The following MTHFD1L variants were observed in gnomAD, a reference collection of about 807,000 sequenced individuals.
MTHFD1L encodes monofunctional C1-tetrahydrofolate synthase, mitochondrial.
In MTHFD1L, 81 loss-of-function variants were observed where a neutral mutation model predicts 119.5. That is an observed-to-expected ratio of 0.68 (90% CI 0.57 to 0.82). The LOEUF (loss-of-function observed/expected upper bound fraction) is 0.82, where lower values mean the gene tolerates loss of function less well. Ranked by LOEUF, MTHFD1L falls within the 40% of genes least tolerant of loss-of-function variation. The pLI, the probability that MTHFD1L is intolerant of heterozygous loss-of-function variation, is 0.00. For missense variants in MTHFD1L, 1,125 were observed against 1,253.4 expected, an observed-to-expected ratio of 0.90 and a Z score of 1.55; for synonymous variants, 430 against 475.2, an observed-to-expected ratio of 0.90 and a Z score of 1.24.
chr6:150,944,640 T>A (rs1166101971), intron 14 of MTHFD1L, 47 bp downstream of exon 14: 1 of 1,387,014 alleles, frequency 7.2e-7, no homozygotes, highest in Non-Finnish European at 1.0e-6. Flanking sequence ...TATCCTGGAA[T>A]TCCTGGATTC....
intron 26 of MTHFD1L, among the ~76,000 whole-genome samples, chr6:151,062,878 C>G (rs1030902423): frequency 6.6e-6 from 1 of 151,918 alleles, no homozygotes; most frequent in African/African-American, 2.4e-5. Flanking sequence ...CCACTTCACC[C>G]TGTTGTGGGG....
chr6:151,090,846 T>A (rs35307141), intron 26 of MTHFD1L, among the ~76,000 whole-genome samples: 1 of 124,754 alleles, frequency 8.0e-6, no homozygotes, highest in Non-Finnish European at 1.8e-5. Flanking sequence ...GCAGCATCGC[T>A]CCATGTGACT....
chr6:151,046,116 A>C (rs1787971289), intron 26 of MTHFD1L, among the ~76,000 whole-genome samples: 1 of 152,114 alleles, frequency 6.6e-6, no homozygotes, highest in South Asian at 2.1e-4. Context: ...TGTGATATGC[A>C]CTTATTTTTA....
intron 1 of MTHFD1L, among the ~76,000 whole-genome samples, chr6:150,870,372 A>G (rs1460206768): frequency 6.6e-6 from 1 of 152,174 alleles, no homozygotes; most frequent in Non-Finnish European, 1.5e-5. Flanking sequence ...TTACACATAT[A>G]ACAAGTTGTA....
At chr6:151,046,471 GTATATATATATATATA>G (rs1156377344) in intron 26 of MTHFD1L, among the ~76,000 whole-genome samples, 449 of 36,456 alleles carry the variant, frequency 0.012, 12 homozygotes, top group East Asian at 0.049. Flanking sequence ...ATGTGTGTGT[GTATATATATATATATA>G]TATATATATA....
At position 150,959,710 on chromosome 6, in the gene MTHFD1L, G is replaced by A. The variant is rs1796153189; in HGVS notation, c.1804-565G>A. On this transcript the variant is annotated intron_variant, in intron 17 of 27. Coordinates refer to ENST00000367321, the MANE Select transcript of MTHFD1L (RefSeq NM_015440.5). ...ATGCAGGAAGCCAGCATCTTTCACT[G>A]CCCCTTATCTCTGTGCCAGACAGAC... 2.6e-5 allele frequency among the ~76,000 whole-genome samples: 4 copies of A among 152,154 alleles called. No individual in the cohort carries two copies. In the South Asian group the frequency reaches 6.2e-4, roughly 24 times the overall value.
At position 150,960,325 on chromosome 6, in the gene MTHFD1L, G is replaced by C; in HGVS notation, c.1854G>C (p.Leu618=). 1 of 1,614,092 alleles carries C rather than the reference G, an allele frequency of 6.2e-7. No homozygotes were observed. Among genetic ancestry groups the C allele is most frequent in the Non-Finnish European group, 8.5e-7 (1 of 1,179,998 alleles). ...VASEIMAVLA[L]TDSLADMKAR... ...GCGAGATCATGGCGGTGCTGGCCCT[G>C]ACGGACAGCCTCGCAGACATGAAGG... Residue 618 remains leucine (L), a synonymous_variant, in exon 18 of 28, where the codon CTG becomes CTC. Transcript: ENST00000367321.
At chr6:150,993,281 A>T (rs1377581271) in intron 20 of MTHFD1L, among the ~76,000 whole-genome samples, 1 of 152,184 alleles carries the variant, frequency 6.6e-6, no homozygotes, top group Non-Finnish European at 1.5e-5. Flanking sequence ...ACACAAACAA[A>T]TGAGCAGAAT....
chr6:150,897,104 G>A (rs915025510), intron 7 of MTHFD1L, among the ~76,000 whole-genome samples: 1 of 152,052 alleles, frequency 6.6e-6, no homozygotes, highest in Non-Finnish European at 1.5e-5. Flanking sequence ...GCAATAGAGT[G>A]AGACTCCATC....
At chr6:151,087,219 A>G (rs1793891750) in intron 26 of MTHFD1L, among the ~76,000 whole-genome samples, 1 of 151,988 alleles carries the variant, frequency 6.6e-6, no homozygotes, top group Admixed American at 6.6e-5. Flanking sequence ...GCTGCAGTCC[A>G]GCCTGGGCGA....
chr6:150,875,970 G>T (rs2073068), intron 1 of MTHFD1L, 120 bp from the exon 2 acceptor site: 3 of 771,066 alleles, frequency 3.9e-6, no homozygotes, highest in Non-Finnish European at 2.2e-6. Flanking sequence ...CTTGGAGTGC[G>T]TCCTTCTGTG....
At chr6:150,893,621 T>G (rs1783719271) in intron 7 of MTHFD1L, among the ~76,000 whole-genome samples, 1 of 152,070 alleles carries the variant, frequency 6.6e-6, no homozygotes, top group Non-Finnish European at 1.5e-5. Context: ...TGGCTAGAGA[T>G]TTCCAAAGCT....
intron 8 of MTHFD1L, among the ~76,000 whole-genome samples, chr6:150,917,954 G>A (rs997494063): frequency 1.3e-5 from 2 of 152,016 alleles, no homozygotes; most frequent in Admixed American, 1.3e-4. Flanking sequence ...AAGAGATGGT[G>A]TGCCTAGATG....
intron 27 of MTHFD1L, chr6:151,099,464 T>C: frequency 9.7e-7 from 1 of 1,028,632 alleles, no homozygotes; most frequent in Non-Finnish European, 1.5e-6. Context: ...TTTTTTTTTT[T>C]TTGCCCTTCT....
At chr6:150,957,508 TA>T (rs1359248312) in intron 17 of MTHFD1L, among the ~76,000 whole-genome samples, 3 of 139,722 alleles carry the variant, frequency 2.1e-5, no homozygotes, top group African/African-American at 7.7e-5. Flanking sequence ...AAAAATATTT[TA>T]ATGAAAAGAA....
intron 8 of MTHFD1L, among the ~76,000 whole-genome samples, chr6:150,913,462 G>C (rs536386190): frequency 6.6e-6 from 1 of 151,948 alleles, no homozygotes; most frequent in East Asian, 2.0e-4. Flanking sequence ...ACCGCGCCCA[G>C]TCCCAACTGA....
Position 150,867,593 on chromosome 6 carries a change from T to A in MTHFD1L, c.227+1544T>A, listed in dbSNP as rs76511101. On this transcript the variant is annotated intron_variant, in intron 1 of 27. Transcript: ENST00000367321. ...TGTTTTATTTTCTAGGTAAACTGAT[T>A]ATTACCTGAAACTTCCTTCTTTGCT... Among the ~76,000 whole-genome samples, 202 of 152,116 alleles carry A rather than the reference T, an allele frequency of 1.3e-3. 2 individuals carry two copies. Among genetic ancestry groups the A allele is most frequent in the African/African-American group, 4.6e-3 (189 of 41,390 alleles).
intron 26 of MTHFD1L, among the ~76,000 whole-genome samples, chr6:151,051,460 T>C (rs1218986858): frequency 2.0e-5 from 3 of 152,180 alleles, no homozygotes; most frequent in Non-Finnish European, 4.4e-5. Context: ...CCTGGGAGCA[T>C]AGTCAGGGAT....
chr6:150,866,063 C>T lies in MTHFD1L; in HGVS notation c.227+14C>T. Reference sequence around the variant, plus strand: ...CTCCATCGTCAGGTGAGTGTCGGGTCTGGCCCTGGCCCAGGTCTCCAGCGG... The same window carrying T: ...CTCCATCGTCAGGTGAGTGTCGGGTTTGGCCCTGGCCCAGGTCTCCAGCGG... On this transcript the variant is annotated intron_variant, in intron 1 of 27. Coordinates refer to ENST00000367321, the MANE Select transcript of MTHFD1L (RefSeq NM_015440.5). 1 of 1,478,086 alleles carries T rather than the reference C, an allele frequency of 6.8e-7. No individual in the cohort carries two copies. Among genetic ancestry groups the T allele is most frequent in the South Asian group, 1.3e-5 (1 of 78,716 alleles). The allele number at this position is 1,478,086 out of a possible 1,614,324, so 91.6% of individuals were successfully genotyped here.
Sources: allele counts gnomAD v4.1 joint callset (sites outside exome capture counted in the v4.1 genomes callset), GRCh38; gene constraint gnomAD v4.1.1; transcripts MANE v1.5; gene names NCBI Gene and HGNC (gene_info 2026-07-23, HGNC 2026-07-21).